The following SMOC1 variants were observed in gnomAD, a reference collection of about 807,000 sequenced individuals.
The protein encoded by SMOC1 is SPARC related modular calcium binding 1.
Under a neutral mutation model 56.3 loss-of-function variants are expected in SMOC1, and 22 were observed. The observed-to-expected ratio is 0.39, with a 90% CI of 0.28 to 0.56. The LOEUF (loss-of-function observed/expected upper bound fraction) is 0.56. Among genes scored for constraint, SMOC1 ranks in the 20% least tolerant of loss-of-function variants. SMOC1 has a pLI of 0.61. For missense variants in SMOC1, 509 were observed against 565.4 expected (o/e 0.90, Z 1.01); for synonymous variants, 193 against 215.0 (o/e 0.90, Z 0.89).
At chr14:69,894,775 G>C (rs1884051285) in intron 1 of SMOC1, among the ~76,000 whole-genome samples, 1 of 152,182 alleles carries the variant, frequency 6.6e-6, no homozygotes, top group African/African-American at 2.4e-5. Context: ...TCCTCCCAGT[G>C]CAGATGTTCC....
rs1886117740 is a variant in SMOC1 at position 70,030,650 on chromosome 14, CTGTT to C, written c.*398_*401del. 6 of 192,740 alleles carry C rather than the reference CTGTT, an allele frequency of 3.1e-5. No individual in the cohort carries two copies. The South Asian group carries it at 7.4e-4, about 24-fold the overall frequency. 11.9% of individuals were successfully genotyped at this position (192,740 alleles called of 1,614,324 possible). A position where few individuals can be genotyped will look rare whatever the true frequency, so the allele number is the denominator to read the frequency against. On this transcript the variant is annotated 3_prime_UTR_variant, in exon 12 of 12. Coordinates refer to ENST00000361956, the MANE Select transcript of SMOC1 (RefSeq NM_001034852.3). ...TTCTTTTGTACAGGCATTGGCATTG[CTGTT>C]TGTTTATTTCTCTCCCTCTGCCTGC...
chr14:69,887,475 T>C lies in SMOC1; in HGVS notation c.99+7698T>C, dbSNP rs182980678. On this transcript the variant is annotated intron_variant, in intron 1 of 11. Transcript: ENST00000361956. The stretch of plus-strand genomic sequence containing the variant: ...CCATTATTCAAGATCTAATAGCTGA[T>C]AAAAAAGTGAGCCCTGCATAAACCA... Among the ~76,000 whole-genome samples, 9 of 152,274 alleles carry C rather than the reference T, an allele frequency of 5.9e-5. No homozygotes were observed. The East Asian group carries it at 1.4e-3, about 23-fold the overall frequency.
At position 69,884,945 on chromosome 14, in the gene SMOC1, G is replaced by GT. The variant is rs200317489; in HGVS notation, c.99+5177dup. ...TTTGTGGTTCTACAAAAATTTTAGG[G>GT]TTTTTTTTTCTATTTCTATGAAGAA... On this transcript the variant is annotated intron_variant, in intron 1 of 11. Coordinates refer to ENST00000361956, the MANE Select transcript of SMOC1 (RefSeq NM_001034852.3). Among the ~76,000 whole-genome samples, 115 of 151,320 alleles carry GT rather than the reference G, an allele frequency of 7.6e-4. 1 individual carries two copies. The highest frequency in any genetic ancestry group is 3.7e-3 in the East Asian group (19 of 5,152).
In SMOC1 at chr14:70,025,735, A is replaced by T. The variant is rs8006664; in HGVS notation, c.1291+2288A>T. Among the ~76,000 whole-genome samples, 1,175 of 152,366 alleles carry T rather than the reference A, an allele frequency of 7.7e-3. 19 individuals carry two copies. The highest frequency in any genetic ancestry group is 0.027 in the African/African-American group (1,106 of 41,582). On this transcript the variant is annotated intron_variant, in intron 11 of 11. Transcript: ENST00000361956. ...GCTCCAGTGAGCATTTCCTTTGAGC[A>T]TCATGTCAGCACTTAAAAGGTTTTG...
At chr14:69,984,414 C>A (rs1003000329) in intron 5 of SMOC1, among the ~76,000 whole-genome samples, 5 of 151,754 alleles carry the variant, frequency 3.3e-5, no homozygotes, top group African/African-American at 1.2e-4. Context: ...ATTTGCTCTG[C>A]AAAAAGTGCT....
At position 69,965,116 on chromosome 14, in the gene SMOC1, G is replaced by A. The variant is rs907954700; in HGVS notation, c.379-10599G>A. Among the ~76,000 whole-genome samples, 10 of 152,190 alleles carry A rather than the reference G, an allele frequency of 6.6e-5. No individual in the cohort carries two copies. The South Asian group carries it at 1.0e-3, about 16-fold the overall frequency. ...GACTAGGCCGGGTGCAGTAGCGCAC[G>A]CCTGTAATCCCAGCACTTTGGGAGG... On this transcript the variant is annotated intron_variant, in intron 3 of 11. Transcript: ENST00000361956.
intron 9 of SMOC1, 31 bp downstream of exon 9, chr14:70,011,598 T>A: frequency 6.3e-7 from 1 of 1,589,572 alleles, no homozygotes; most frequent in South Asian, 1.1e-5. Flanking sequence ...GCCGGCGCCA[T>A]CACCTCCTTC....
intron 1 of SMOC1, among the ~76,000 whole-genome samples, chr14:69,882,641 G>A (rs554893473): frequency 2.0e-5 from 3 of 152,258 alleles, no homozygotes; most frequent in Admixed American, 6.5e-5. Flanking sequence ...TACTGAAAAT[G>A]TTTCAGGGGA....
intron 1 of SMOC1, among the ~76,000 whole-genome samples, chr14:69,938,852 G>A (rs1228528638): frequency 6.6e-6 from 1 of 152,162 alleles, no homozygotes; most frequent in Non-Finnish European, 1.5e-5. Context: ...AACTTAGCTG[G>A]CAGCTTTCTT....
At chr14:69,981,233 G>A (rs1055905928) in intron 5 of SMOC1, among the ~76,000 whole-genome samples, 6 of 135,114 alleles carry the variant, frequency 4.4e-5, no homozygotes, top group Admixed American at 1.4e-4. Context: ...GGGGGAAGGA[G>A]GGGGAGACAC....
At chr14:69,933,311 A>C (rs1044919260) in intron 1 of SMOC1, among the ~76,000 whole-genome samples, 32 of 152,276 alleles carry the variant, frequency 2.1e-4, no homozygotes, top group Non-Finnish European at 4.0e-4. Context: ...TCTCCCATTT[A>C]AAATGTTCAT....
At chr14:70,024,438 G>GT (rs973379238) in intron 11 of SMOC1, among the ~76,000 whole-genome samples, 6 of 152,012 alleles carry the variant, frequency 3.9e-5, no homozygotes, top group Middle Eastern at 3.2e-3. Flanking sequence ...AGAGCTGTAA[G>GT]TTTTTTTTGA....
chr14:69,974,188 G>C (rs887444761), intron 3 of SMOC1, among the ~76,000 whole-genome samples: 8 of 152,156 alleles, frequency 5.3e-5, no homozygotes, highest in Non-Finnish European at 7.3e-5. Flanking sequence ...ATCTTGAGAG[G>C]GGGGAGTGGA....
Position 70,032,333 on chromosome 14 carries a change from T to A in SMOC1, c.*2075T>A, listed in dbSNP as rs1398282155. The A allele has an allele frequency of 6.6e-6, 1 of 152,260 alleles. No individual in the cohort carries two copies. The highest frequency in any genetic ancestry group is 1.5e-5 in the Non-Finnish European group (1 of 68,048). The allele number at this position is 152,260 out of a possible 1,614,324, so 9.4% of individuals were successfully genotyped here. A position where few individuals can be genotyped will look rare whatever the true frequency, so the allele number is the denominator to read the frequency against. ...GGAGAGAGGGAAACTATTTGTAGCT[T>A]GTTTTATAAAAAATAAAAAATGGGT... On this transcript the variant is annotated 3_prime_UTR_variant, in exon 12 of 12. Transcript: ENST00000361956.
chr14:70,010,733 AG>A lies in SMOC1; in HGVS notation c.665-19del, dbSNP rs769963157. On this transcript the variant is annotated intron_variant, in intron 7 of 11. Transcript: ENST00000361956. ...AAATCACAGGAGTGATAGTCACCACAGGCTGTGTCTTCTCTTGCAGAGAAAG... is the reference window on the plus strand; with the variant it reads ...AAATCACAGGAGTGATAGTCACCACAGCTGTGTCTTCTCTTGCAGAGAAAG... 1 of 1,613,532 alleles carries A rather than the reference AG, an allele frequency of 6.2e-7. No individual in the cohort carries two copies.
At chr14:69,951,111 G>A (rs974054967) in intron 1 of SMOC1, among the ~76,000 whole-genome samples, 1 of 152,194 alleles carries the variant, frequency 6.6e-6, no homozygotes, top group East Asian at 1.9e-4. Context: ...TTTGACATGG[G>A]TAAACTTGGG....
chr14:69,957,821 G>T (rs1883243127), intron 3 of SMOC1, among the ~76,000 whole-genome samples: 1 of 152,132 alleles, frequency 6.6e-6, no homozygotes, highest in Admixed American at 6.5e-5. Flanking sequence ...CCCACGCACA[G>T]TATCTTTTCA....
At chr14:70,028,587 G>A (rs1013985770) in intron 11 of SMOC1, among the ~76,000 whole-genome samples, 2 of 152,204 alleles carry the variant, frequency 1.3e-5, no homozygotes, top group Non-Finnish European at 2.9e-5. Flanking sequence ...AGCTGGTTAC[G>A]GCTAGCTGTC....
rs556338469 is a variant in SMOC1 at position 69,992,184 on chromosome 14, G to A, written c.527-233G>A. ...AAGCCACGAAGCTTTAACTCCTTTC[G>A]TCCATGCCTTGGGATGGTGAACACA... On this transcript the variant is annotated intron_variant, in intron 5 of 11. Coordinates refer to ENST00000361956, the MANE Select transcript of SMOC1 (RefSeq NM_001034852.3). Among the ~76,000 whole-genome samples the A allele has an allele frequency of 1.1e-4, 16 of 152,272 alleles. No homozygotes were observed. In the South Asian group the frequency reaches 2.7e-3, roughly 26 times the overall value.
Sources: allele counts gnomAD v4.1 joint callset (sites outside exome capture counted in the v4.1 genomes callset), GRCh38; gene constraint gnomAD v4.1.1; transcripts MANE v1.5; gene names NCBI Gene and HGNC (gene_info 2026-07-23, HGNC 2026-07-21).